TDRP: variants seen among roughly 807,000 people sequenced by gnomAD.
The protein encoded by TDRP is testis development related protein, also known as testis development-related protein.
Under a neutral mutation model 10.5 loss-of-function variants are expected in TDRP, and 12 were observed. The observed-to-expected ratio is 1.15, with a 90% CI of 0.73 to 1.86. The LOEUF (loss-of-function observed/expected upper bound fraction) is 1.86, where lower values mean the gene tolerates loss of function less well. Ranked by LOEUF, TDRP falls within the 40% of genes most tolerant of loss-of-function variation. TDRP has a pLI of 0.00. For missense variants in TDRP, 353 were observed against 229.2 expected (o/e 1.54, Z -3.49); for synonymous variants, 139 against 95.4 (o/e 1.46, Z -2.67).
rs537834678 is a variant in TDRP at position 528,447 on chromosome 8, AT to A, written c.108+16202del. Among the ~76,000 whole-genome samples the A allele has an allele frequency of 5.9e-4, 89 of 150,820 alleles. 5 individuals carry two copies. Among genetic ancestry groups the A allele is most frequent in the South Asian group, 3.9e-3 (18 of 4,590 alleles). On this transcript the variant is annotated intron_variant, in intron 1 of 2. Transcript: ENST00000324079. ...GAAAGGAAATCAATATATCAAAGAG[AT>A]ATCTGTGCTTCCAATATATATTGCA...
intron 2 of TDRP, among the ~76,000 whole-genome samples, chr8:493,351 G>A (rs950546678): frequency 1.3e-5 from 2 of 152,242 alleles, no homozygotes; most frequent in African/African-American, 4.8e-5. Context: ...CCTTCCAGAT[G>A]CTGATGTATT....
chr8:538,790 G>T (rs1802414982), intron 1 of TDRP, among the ~76,000 whole-genome samples: 1 of 152,162 alleles, frequency 6.6e-6, no homozygotes, highest in African/African-American at 2.4e-5. Flanking sequence ...TAAGAGAAAG[G>T]CAAATTAAAA....
At position 544,749 on chromosome 8, in the gene TDRP, C is replaced by T. The variant is rs1384497454; in HGVS notation, c.9G>A (p.Lys3=). MW[K]LGRGRVLLDE... ...CCAGCAGCACTCGGCCCCGGCCCAG[C>T]TTCCACATGGTCAGGCGGGCTCCGG... Residue 3 remains lysine, a synonymous_variant, in exon 1 of 3, where the codon AAG becomes AAA. Coordinates refer to ENST00000324079, the MANE Select transcript of TDRP (RefSeq NM_001384899.1). 3 of 1,239,268 alleles carry T rather than the reference C, an allele frequency of 2.4e-6. No individual in the cohort carries two copies. Among genetic ancestry groups the T allele is most frequent in the African/African-American group, 3.1e-5 (2 of 64,352 alleles). The allele number at this position is 1,239,268 out of a possible 1,614,324, so 76.8% of individuals were successfully genotyped here.
chr8:511,003 G>A (rs1801602753), intron 1 of TDRP, among the ~76,000 whole-genome samples: 1 of 151,964 alleles, frequency 6.6e-6, no homozygotes. Context: ...GGCTACAGAT[G>A]GTAAGATAAT....
At chr8:516,623 A>G (rs1801763257) in intron 1 of TDRP, among the ~76,000 whole-genome samples, 1 of 152,156 alleles carries the variant, frequency 6.6e-6, no homozygotes, top group Non-Finnish European at 1.5e-5. Context: ...TGGCAAGGAC[A>G]TGGAGCAGCA....
intron 1 of TDRP, among the ~76,000 whole-genome samples, chr8:544,271 C>G (rs1413141922): frequency 6.6e-6 from 1 of 152,044 alleles, no homozygotes; most frequent in African/African-American, 2.4e-5. Flanking sequence ...CTCTGCGTCC[C>G]GGGCCCACGA....
At chr8:516,894 A>G (rs1366857196) in intron 1 of TDRP, among the ~76,000 whole-genome samples, 1 of 152,228 alleles carries the variant, frequency 6.6e-6, no homozygotes, top group Admixed American at 6.5e-5. Flanking sequence ...ATAAGCTGGT[A>G]CATCCAGATG....
In TDRP at chr8:492,434, C is replaced by T. The variant is rs1436905031; in HGVS notation, c.523G>A (p.Gly175Ser). Reference sequence around the variant, plus strand: ...TCCTCCGGGCTATCTGTCAGGTGGCCTTTACTCTGCCGTCGGATGCTCACC... The same window carrying T: ...TCCTCCGGGCTATCTGTCAGGTGGCTTTTACTCTGCCGTCGGATGCTCACC... ...RLVSIRRQSKGHLTDSPEEAE is the reference protein window; with the variant it reads ...RLVSIRRQSKSHLTDSPEEAE The change falls in exon 3 of 3, where the codon GGC becomes AGC. Residue 175 changes from glycine (G) to serine (S), a missense_variant. By Grantham distance (56) the Gly-to-Ser change is moderately conservative. Coordinates refer to ENST00000324079, the MANE Select transcript of TDRP (RefSeq NM_001384899.1). 1 of 1,582,768 alleles carries T rather than the reference C, an allele frequency of 6.3e-7. No individual in the cohort carries two copies. The highest frequency in any genetic ancestry group is 8.6e-7 in the Non-Finnish European group (1 of 1,160,756).
chr8:491,687 G>A lies in TDRP; in HGVS notation c.*712C>T, dbSNP rs1042636196. The A allele has an allele frequency of 2.9e-5, 44 of 1,497,756 alleles. No homozygotes were observed. In the African/African-American group the frequency reaches 5.4e-4, roughly 18 times the overall value. 92.8% of individuals were successfully genotyped at this position (1,497,756 alleles called of 1,614,324 possible). A position where few individuals can be genotyped will look rare whatever the true frequency, so the allele number is the denominator to read the frequency against. On this transcript the variant is annotated 3_prime_UTR_variant, in exon 3 of 3. Coordinates refer to ENST00000324079, the MANE Select transcript of TDRP (RefSeq NM_001384899.1). ...TTCTTTAATCTGTAAACAAAAAAGA[G>A]AGCAAATGTTTTAAGAAAATAAAGG...
At chr8:493,796 G>C (rs190701890) in intron 2 of TDRP, among the ~76,000 whole-genome samples, 1 of 151,848 alleles carries the variant, frequency 6.6e-6, no homozygotes, top group African/African-American at 2.4e-5. Context: ...TTTTGTTTTG[G>C]TTTGGTTTTT....
intron 1 of TDRP, among the ~76,000 whole-genome samples, chr8:522,170 C>T (rs1801921911): frequency 6.6e-6 from 1 of 152,196 alleles, no homozygotes; most frequent in Admixed American, 6.5e-5. Context: ...TTACATTGTG[C>T]TACTATGTCT....
chr8:544,827 G>T lies in TDRP; in HGVS notation c.-70C>A. The T allele has an allele frequency of 8.8e-7, 1 of 1,130,188 alleles. No individual in the cohort carries two copies. The highest frequency in any genetic ancestry group is 4.3e-5 in the Admixed American group (1 of 23,064). The allele number at this position is 1,130,188 out of a possible 1,614,324, so 70.0% of individuals were successfully genotyped here. ...GGCTCCGCGTCCCTCCCGGCCGCCG[G>T]ACGCTCTGCCTGCGGCTCCTGCGGG... On this transcript the variant is annotated 5_prime_UTR_variant, in exon 1 of 3. Coordinates refer to ENST00000324079, the MANE Select transcript of TDRP (RefSeq NM_001384899.1).
At chr8:513,670 A>C (rs1204631829) in intron 1 of TDRP, among the ~76,000 whole-genome samples, 1 of 152,242 alleles carries the variant, frequency 6.6e-6, no homozygotes, top group Non-Finnish European at 1.5e-5. Flanking sequence ...AGACAAGAAA[A>C]GTAAAATGCA....
intron 1 of TDRP, among the ~76,000 whole-genome samples, chr8:503,794 G>A (rs1801377244): frequency 1.4e-5 from 2 of 140,906 alleles, no homozygotes; most frequent in Admixed American, 1.4e-4. Context: ...TGGAACCCAT[G>A]CCCACCTCAG....
intron 1 of TDRP, among the ~76,000 whole-genome samples, chr8:507,508 A>T (rs902327040): frequency 2.6e-5 from 4 of 152,164 alleles, no homozygotes; most frequent in African/African-American, 7.2e-5. Context: ...AGCAATCAGC[A>T]GCAATTACTG....
At chr8:509,725 T>A (rs1801560971) in intron 1 of TDRP, among the ~76,000 whole-genome samples, 1 of 152,214 alleles carries the variant, frequency 6.6e-6, no homozygotes, top group Admixed American at 6.5e-5. Flanking sequence ...GATTAACATT[T>A]GGCTCCTTGC....
At chr8:505,686 C>G (rs1801441671) in intron 1 of TDRP, among the ~76,000 whole-genome samples, 1 of 152,162 alleles carries the variant, frequency 6.6e-6, no homozygotes, top group Non-Finnish European at 1.5e-5. Context: ...TTCACTGAGG[C>G]TTTAGATTGA....
At chr8:521,538 T>C (rs79843843) in intron 1 of TDRP, among the ~76,000 whole-genome samples, 4,008 of 152,350 alleles carry the variant, frequency 0.026, 183 homozygotes, top group African/African-American at 0.092. Context: ...TTTAAGATCA[T>C]GTGACCATAT....
In TDRP at chr8:544,638, G is replaced by C; in HGVS notation, c.108+12C>G. 2 of 1,233,206 alleles carry C rather than the reference G, an allele frequency of 1.6e-6. No homozygotes were observed. Among genetic ancestry groups the C allele is most frequent in the African/African-American group, 3.1e-5 (2 of 64,048 alleles). 76.4% of individuals were successfully genotyped at this position (1,233,206 alleles called of 1,614,324 possible). A position where few individuals can be genotyped will look rare whatever the true frequency, so the allele number is the denominator to read the frequency against. ...CGGCCTACTAGCACTCCCCACCTGCGCACCCCCTCACCTGCGCCTGGGCGG... is the reference window on the plus strand; with the variant it reads ...CGGCCTACTAGCACTCCCCACCTGCCCACCCCCTCACCTGCGCCTGGGCGG... On this transcript the variant is annotated intron_variant, in intron 1 of 2. Transcript: ENST00000324079.
Sources: gnomAD v4.1 joint callset for allele counts (sites outside exome capture counted in the v4.1 genomes callset) on GRCh38, gnomAD v4.1.1 for gene constraint, MANE v1.5 for transcripts, NCBI Gene and HGNC (gene_info 2026-07-23, HGNC 2026-07-21) for gene names.